Variants in KCNAB1 observed in about 807,000 individuals in gnomAD.
The protein encoded by KCNAB1 is voltage-gated potassium channel subunit beta-1.
In KCNAB1, 35 loss-of-function variants were observed where a neutral mutation model predicts 64.6. That is an observed-to-expected ratio of 0.54 (90% CI 0.41 to 0.72). The LOEUF (loss-of-function observed/expected upper bound fraction) is 0.72, where lower values mean the gene tolerates loss of function less well. Ranked by LOEUF, KCNAB1 falls within the 30% of genes least tolerant of loss-of-function variation. The probability of loss-of-function intolerance (pLI) is 0.00; values close to 1 mark genes in which losing one functional copy is unlikely to be tolerated. For missense variants in KCNAB1, 401 were observed against 512.9 expected (o/e 0.78, Z 2.11); for synonymous variants, 177 against 183.8 (o/e 0.96, Z 0.30).
chr3:156,291,824 C>T (rs1401117330), intron 1 of KCNAB1: 19 of 1,592,558 alleles, frequency 1.2e-5, no homozygotes. Flanking sequence ...AAAAGAAAAG[C>T]AGAAATCCCC....
At chr3:156,482,285 G>A (rs114906288) in intron 8 of KCNAB1, among the ~76,000 whole-genome samples, 65 of 151,920 alleles carry the variant, frequency 4.3e-4, no homozygotes, top group African/African-American at 1.5e-3. Flanking sequence ...TCAATAATAG[G>A]ATTAACTCAT....
At chr3:156,280,448 C>T (rs1347584073) in intron 1 of KCNAB1, among the ~76,000 whole-genome samples, 18 of 151,346 alleles carry the variant, frequency 1.2e-4, no homozygotes, top group Admixed American at 5.3e-4. Context: ...CTTGGCAATG[C>T]GGGCTCTTTT....
chr3:156,482,471 A>T (rs1281038812), intron 8 of KCNAB1, among the ~76,000 whole-genome samples: 1 of 150,562 alleles, frequency 6.6e-6, no homozygotes, highest in Non-Finnish European at 1.5e-5. Flanking sequence ...ATGGAGAAAC[A>T]AACTAATCAT....
chr3:156,323,653 A>G (rs1268452984), intron 1 of KCNAB1, among the ~76,000 whole-genome samples: 1 of 152,220 alleles, frequency 6.6e-6, no homozygotes, highest in Non-Finnish European at 1.5e-5. Flanking sequence ...TTGAGTTGCC[A>G]TGGTAATGAC....
intron 1 of KCNAB1, among the ~76,000 whole-genome samples, chr3:156,319,684 G>A (rs1722527578): frequency 6.6e-6 from 1 of 152,162 alleles, no homozygotes; most frequent in Admixed American, 6.5e-5. Context: ...TTTAGATGAT[G>A]TCATGAAATG....
intron 1 of KCNAB1, among the ~76,000 whole-genome samples, chr3:156,240,373 C>T (rs1717090993): frequency 6.6e-6 from 1 of 151,520 alleles, no homozygotes; most frequent in South Asian, 2.1e-4. Flanking sequence ...ATAGTACATA[C>T]TAGTAGTAAT....
chr3:156,157,472 C>T (rs1715790231), intron 1 of KCNAB1, among the ~76,000 whole-genome samples: 1 of 152,138 alleles, frequency 6.6e-6, no homozygotes, highest in South Asian at 2.1e-4. Context: ...AGCATCTCTG[C>T]CCCCTGATTG....
chr3:156,434,363 T>C (rs927844576), intron 2 of KCNAB1, among the ~76,000 whole-genome samples: 4 of 152,178 alleles, frequency 2.6e-5, no homozygotes, highest in African/African-American at 9.7e-5. Context: ...AATACATCAA[T>C]TGCCCACTCA....
At chr3:156,275,206 TAA>T (rs1256549821) in intron 1 of KCNAB1, among the ~76,000 whole-genome samples, 1 of 152,254 alleles carries the variant, frequency 6.6e-6, no homozygotes, top group Non-Finnish European at 1.5e-5. Context: ...CCAGTGCATA[TAA>T]AAGTTATGTT....
At chr3:156,436,167 G>T (rs181827041) in intron 2 of KCNAB1, among the ~76,000 whole-genome samples, 1 of 152,284 alleles carries the variant, frequency 6.6e-6, no homozygotes, top group East Asian at 1.9e-4. Flanking sequence ...AGAACATGTG[G>T]TGTTTGGTTT....
At chr3:156,321,324 A>T (rs1031954661) in intron 1 of KCNAB1, among the ~76,000 whole-genome samples, 37 of 152,228 alleles carry the variant, frequency 2.4e-4, no homozygotes, top group Admixed American at 8.5e-4. Flanking sequence ...CAGAGGAACC[A>T]GTGCAAAAGC....
chr3:156,210,736 C>G (rs1325399858), intron 1 of KCNAB1, among the ~76,000 whole-genome samples: 2 of 152,206 alleles, frequency 1.3e-5, no homozygotes, highest in African/African-American at 4.8e-5. Flanking sequence ...TCTCTGCTCC[C>G]CACAGGGTTC....
intron 1 of KCNAB1, among the ~76,000 whole-genome samples, chr3:156,146,169 A>G (rs1206146353): frequency 6.6e-6 from 1 of 152,250 alleles, no homozygotes; most frequent in Non-Finnish European, 1.5e-5. Context: ...ATAAGTAAAT[A>G]TGCAAACACA....
chr3:156,176,609 T>G (rs924830617), intron 1 of KCNAB1: 11 of 901,698 alleles, frequency 1.2e-5, no homozygotes, highest in Non-Finnish European at 1.9e-5. Context: ...GGCAGAATTA[T>G]CACAGTCACC....
chr3:156,412,644 T>C (rs962953586), intron 1 of KCNAB1, among the ~76,000 whole-genome samples: 1 of 152,192 alleles, frequency 6.6e-6, no homozygotes, highest in African/African-American at 2.4e-5. Flanking sequence ...GCATGAATAA[T>C]AGTGGCTACA....
intron 1 of KCNAB1, among the ~76,000 whole-genome samples, chr3:156,246,330 G>A (rs1398958053): frequency 6.6e-6 from 1 of 152,122 alleles, no homozygotes; most frequent in Non-Finnish European, 1.5e-5. Flanking sequence ...CATAGGCCAG[G>A]CGCGGTGGCT....
chr3:156,365,672 A>C (rs1364401476), intron 1 of KCNAB1, among the ~76,000 whole-genome samples: 1 of 152,198 alleles, frequency 6.6e-6, no homozygotes, highest in African/African-American at 2.4e-5. Context: ...TTGGGGACAA[A>C]TCAAACCCTT....
chr3:156,172,817 G>A (rs908433083), intron 1 of KCNAB1, among the ~76,000 whole-genome samples: 1 of 152,216 alleles, frequency 6.6e-6, no homozygotes, highest in Non-Finnish European at 1.5e-5. Flanking sequence ...AATACTCTCT[G>A]AGCTGGGTTT....
intron 1 of KCNAB1, among the ~76,000 whole-genome samples, chr3:156,306,971 G>T (rs1443143403): frequency 6.6e-6 from 1 of 152,220 alleles, no homozygotes; most frequent in Non-Finnish European, 1.5e-5. Flanking sequence ...GCATCAGCAT[G>T]GAGGGAGGCG....
Sources: gnomAD v4.1 joint callset for allele counts (sites outside exome capture counted in the v4.1 genomes callset) on GRCh38, gnomAD v4.1.1 for gene constraint, MANE v1.5 for transcripts, NCBI Gene and HGNC (gene_info 2026-07-23, HGNC 2026-07-21) for gene names.